Variants in SDHA observed in about 807,000 individuals in gnomAD.
SDHA encodes succinate dehydrogenase complex flavoprotein subunit A, also known as succinate dehydrogenase [ubiquinone] flavoprotein subunit, mitochondrial.
A neutral mutation model predicts 78.4 loss-of-function variants in SDHA; 48 were observed. The observed-to-expected ratio is 0.61, with a 90% confidence interval of 0.49 to 0.78. SDHA has a LOEUF of 0.78. SDHA is among the 30% of genes least tolerant of loss of function. The pLI is 0.00. For synonymous variants in SDHA, 326 were observed against 353.9 expected (o/e 0.92, Z 0.88); for missense variants, 680 against 892.7 (o/e 0.76, Z 3.04).
intron 11 of SDHA, among the ~76,000 whole-genome samples, chr5:245,100 G>A (rs1736365462): frequency 6.6e-6 from 1 of 152,164 alleles, no homozygotes; most frequent in South Asian, 2.1e-4. Context: ...AAGAGAAACT[G>A]GAGGCTTTAG....
intron 11 of SDHA, among the ~76,000 whole-genome samples, chr5:245,948 C>T (rs560313699): frequency 5.8e-4 from 89 of 152,144 alleles, no homozygotes; most frequent in African/African-American, 2.0e-3. Context: ...CACTAGCCCT[C>T]GGCTATGCCA....
chr5:255,307 C>A (rs1453728588), intron 14 of SDHA, among the ~76,000 whole-genome samples: 2 of 151,846 alleles, frequency 1.3e-5, no homozygotes, highest in Admixed American at 6.6e-5. Flanking sequence ...TACCTTTGGA[C>A]TCTCACTATC....
At chr5:231,914 G>C (rs1217301676) in intron 7 of SDHA, among the ~76,000 whole-genome samples, 3 of 152,162 alleles carry the variant, frequency 2.0e-5, no homozygotes, top group Non-Finnish European at 2.9e-5. Flanking sequence ...GCTCGTCTTG[G>C]GGACGTCTGA....
intron 6 of SDHA, among the ~76,000 whole-genome samples, 169 bp from the exon 7 acceptor site, chr5:230,707 G>C (rs10069197): frequency 0.24 from 36,412 of 152,054 alleles, 6,775 homozygotes; most frequent in African/African-American, 0.52. Flanking sequence ...AGCAGCACCA[G>C]TGGCGCGGCC....
At chr5:228,035 G>C in intron 5 of SDHA, 150 bp from the exon 6 acceptor site, 1 of 776,992 alleles carries the variant, frequency 1.3e-6, no homozygotes, top group Non-Finnish European at 2.2e-6. Context: ...CTCGGGCTCT[G>C]ACAGTGTCAC....
chr5:244,396 C>T (rs78861641), intron 11 of SDHA, among the ~76,000 whole-genome samples: 39,185 of 149,650 alleles, frequency 0.26, 6,766 homozygotes, highest in African/African-American at 0.53. Context: ...CAAATTGTTA[C>T]ATCTACTTCT....
intron 7 of SDHA, among the ~76,000 whole-genome samples, chr5:231,205 C>T (rs112051352): frequency 2.0e-5 from 3 of 152,092 alleles, no homozygotes; most frequent in East Asian, 1.9e-4. Flanking sequence ...TTTGGGCCAC[C>T]GTCTTATGTA....
chr5:256,553 G>C lies in SDHA; in HGVS notation c.*133G>C, dbSNP rs193112615. The C allele has an allele frequency of 6.5e-4, 517 of 801,444 alleles. 1 individual carries two copies. The African/African-American group carries it at 7.6e-3, about 12-fold the overall frequency. 49.6% of individuals were successfully genotyped at this position (801,444 alleles called of 1,614,324 possible). A position where few individuals can be genotyped will look rare whatever the true frequency, so the allele number is the denominator to read the frequency against. On this transcript the variant is annotated 3_prime_UTR_variant, in exon 15 of 15. Coordinates refer to ENST00000264932, the MANE Select transcript of SDHA (RefSeq NM_004168.4). ...GAAGGAGTACATTGAAGGGAGATTG[G>C]CACCTAGTGGCTGGGAGCTTGCCAG...
At chr5:228,893 A>G (rs1054472145) in intron 6 of SDHA, among the ~76,000 whole-genome samples, 8 of 152,082 alleles carry the variant, frequency 5.3e-5, no homozygotes, top group African/African-American at 1.9e-4. Context: ...CAAAAAAAAA[A>G]CCCTACTAAA....
intron 11 of SDHA, among the ~76,000 whole-genome samples, chr5:246,356 A>C (rs1579429020): frequency 6.7e-6 from 1 of 149,908 alleles, no homozygotes; most frequent in East Asian, 1.9e-4. Flanking sequence ...AATAGAATCG[A>C]TCCAGAGAAG....
At chr5:249,414 T>C (rs975162711) in intron 11 of SDHA, 3 of 165,312 alleles carry the variant, frequency 1.8e-5, no homozygotes, top group African/African-American at 7.2e-5. Context: ...ATGCTCTTGA[T>C]GGCCATGATG....
rs781153748 is a variant in SDHA, at chr5:256,316, C to T, written c.1909-18C>T. The T allele has an allele frequency of 1.1e-5, 17 of 1,597,550 alleles. No individual in the cohort carries two copies. Among genetic ancestry groups the T allele is most frequent in the Non-Finnish European group, 1.3e-5 (15 of 1,165,472 alleles). On this transcript the variant is annotated intron_variant, in intron 14 of 14. Coordinates refer to ENST00000264932, the MANE Select transcript of SDHA (RefSeq NM_004168.4). ...GTACATTTTTGTGCTTAACTTACCA[C>T]TGACTCTTCTTTTCAAGGTCACTCT...
rs774043076 is a variant in SDHA, at chr5:233,466, G to A, written c.896-11G>A. On this transcript the variant is annotated splice_polypyrimidine_tract_variant and intron_variant, in intron 7 of 14. Transcript: ENST00000264932. ...AATTGTTAGGTAATAAATATGTGTG[G>A]TTTTTTGCAGGCATATATGGTGCTG... 1.2e-6 allele frequency: 2 copies of A among 1,613,698 alleles called. No individual in the cohort carries two copies. Among genetic ancestry groups the A allele is most frequent in the African/African-American group, 2.7e-5 (2 of 74,930 alleles).
chr5:238,240 C>T (rs1218920355), intron 10 of SDHA, among the ~76,000 whole-genome samples: 6 of 152,038 alleles, frequency 3.9e-5, no homozygotes, highest in South Asian at 2.1e-4. Flanking sequence ...CCAGAGGCTG[C>T]TTCCTGATTG....
rs753335035 is a variant in SDHA, at chr5:218,336, G to T, written c.-20G>T. 14 of 1,444,120 alleles carry T rather than the reference G, an allele frequency of 9.7e-6. No individual in the cohort carries two copies. Among genetic ancestry groups the T allele is most frequent in the South Asian group, 8.7e-5 (6 of 69,052 alleles). 89.5% of individuals were successfully genotyped at this position (1,444,120 alleles called of 1,614,324 possible). ...AGTCTGCGCAGGGACTGGCGGGACT[G>T]CGCGGCGGCAACAGCAGACATGTCG... On this transcript the variant is annotated 5_prime_UTR_variant, in exon 1 of 15. Coordinates refer to ENST00000264932, the MANE Select transcript of SDHA (RefSeq NM_004168.4).
intron 7 of SDHA, 104 bp from the exon 8 acceptor site, chr5:233,373 T>G: frequency 7.9e-7 from 1 of 1,260,890 alleles, no homozygotes; most frequent in Non-Finnish European, 1.2e-6. Flanking sequence ...TGCCTTCTGC[T>G]TATCTTTTTC....
chr5:223,400 T>G (rs967450998), intron 1 of SDHA, 82 bp from the exon 2 acceptor site: 6 of 1,030,912 alleles, frequency 5.8e-6, no homozygotes, highest in Admixed American at 1.7e-5. Flanking sequence ...GTGAACAGTT[T>G]GCAAGGGGAA....
chr5:265,289 T>C, the SDHA span, among the ~76,000 whole-genome samples: 2 of 152,224 alleles, frequency 1.3e-5, no homozygotes, highest in East Asian at 1.9e-4. Context: ...ATTAACTCTG[T>C]TGTTCCTTTC....
In SDHA at chr5:226,165, G is replaced by C. The variant is rs185729748; in HGVS notation, c.621+118G>C. 3,517 of 1,158,942 alleles carry C rather than the reference G, an allele frequency of 3.0e-3. 128 individuals are homozygous for C. The Admixed American group carries it at 0.062, about 21-fold the overall frequency. The allele number at this position is 1,158,942 out of a possible 1,614,324, so 71.8% of individuals were successfully genotyped here. A position where few individuals can be genotyped will look rare whatever the true frequency, so the allele number is the denominator to read the frequency against. ...CAGAGATTACGTAAAAAGCAACAGA[G>C]AACAGCAGCGTGGGGCGCATGCAGC... is the stretch of plus-strand genomic sequence containing the variant. On this transcript the variant is annotated intron_variant, in intron 5 of 14. Coordinates refer to ENST00000264932, the MANE Select transcript of SDHA (RefSeq NM_004168.4).
Sources: allele counts gnomAD v4.1 joint callset (sites outside exome capture counted in the v4.1 genomes callset), GRCh38; gene constraint gnomAD v4.1.1; transcripts MANE v1.5; gene names NCBI Gene and HGNC (gene_info 2026-07-23, HGNC 2026-07-21).